Variants in GPC6 observed in about 807,000 individuals in gnomAD.
GPC6 encodes the protein glypican 6.
GPC6 carries 14 observed loss-of-function variants against 55.2 expected under a neutral mutation model. The observed-to-expected ratio is 0.25, with a 90% CI of 0.17 to 0.40. GPC6 has a LOEUF of 0.40. Ranked by LOEUF, GPC6 falls within the 10% of genes least tolerant of loss-of-function variation. The pLI, the probability that GPC6 is intolerant of heterozygous loss-of-function variation, is 1.00. For synonymous variants in GPC6, 278 were observed against 259.6 expected (o/e 1.07, Z -0.68); for missense variants, 641 against 708.5 (o/e 0.90, Z 1.08).
intron 2 of GPC6, among the ~76,000 whole-genome samples, chr13:93,665,749 G>A (rs1198174949): frequency 6.6e-6 from 1 of 152,156 alleles, no homozygotes; most frequent in Non-Finnish European, 1.5e-5. Flanking sequence ...CTGAAGAAAC[G>A]ATACTATGCT....
At chr13:93,502,589 G>C (rs1880562466) in intron 1 of GPC6, among the ~76,000 whole-genome samples, 2 of 152,124 alleles carry the variant, frequency 1.3e-5, no homozygotes, top group African/African-American at 4.8e-5. Context: ...AGTAACTGCT[G>C]AATTGGATAA....
In GPC6 at chr13:94,160,520, G is replaced by T. The variant is rs1888122045; in HGVS notation, c.878-125829G>T. Among the ~76,000 whole-genome samples, 5 of 152,340 alleles carry T rather than the reference G, an allele frequency of 3.3e-5. No homozygotes were observed. The South Asian group carries it at 1.0e-3, about 32-fold the overall frequency. On this transcript the variant is annotated intron_variant, in intron 4 of 8. Transcript: ENST00000377047. ...AGGAATTTGAAGATGGCAACCACAG[G>T]ATATTAAAGTGTGGGGCCCTTCCAT...
intron 3 of GPC6, among the ~76,000 whole-genome samples, chr13:93,954,176 G>T (rs1012200118): frequency 1.3e-5 from 2 of 151,892 alleles, no homozygotes; most frequent in African/African-American, 4.8e-5. Context: ...ATTTTATCTG[G>T]CTTCTTTCAA....
chr13:93,523,187 A>G (rs1317905792), intron 1 of GPC6, among the ~76,000 whole-genome samples: 1 of 144,926 alleles, frequency 6.9e-6, no homozygotes, highest in Non-Finnish European at 1.5e-5. Context: ...ACATATACAC[A>G]TATATGGATA....
chr13:93,219,066 T>C, the GPC6 span, among the ~76,000 whole-genome samples: 1 of 151,514 alleles, frequency 6.6e-6, no homozygotes, highest in South Asian at 2.1e-4. Context: ...CTGGCTGTTT[T>C]CTCCTACCCT....
intron 1 of GPC6, among the ~76,000 whole-genome samples, chr13:93,519,267 A>G (rs928461663): frequency 2.6e-5 from 4 of 152,034 alleles, no homozygotes; most frequent in Admixed American, 1.3e-4. Context: ...CTCATTTAAC[A>G]TTTATTAGTT....
intron 2 of GPC6, among the ~76,000 whole-genome samples, chr13:93,826,836 A>G (rs1487986780): frequency 6.6e-6 from 1 of 152,098 alleles, no homozygotes; most frequent in Non-Finnish European, 1.5e-5. Context: ...GGTCTCTCCA[A>G]GTGATCAGGC....
chr13:93,657,062 A>C (rs2139606915), intron 2 of GPC6, among the ~76,000 whole-genome samples: 1 of 152,236 alleles, frequency 6.6e-6, no homozygotes, highest in South Asian at 2.1e-4. Flanking sequence ...ATTCTGATCA[A>C]ACTACCAAAA....
At chr13:93,917,849 A>G (rs541994827) in intron 3 of GPC6, among the ~76,000 whole-genome samples, 1 of 152,368 alleles carries the variant, frequency 6.6e-6, no homozygotes, top group South Asian at 2.1e-4. Flanking sequence ...CTGTAATCCC[A>G]GCACTTTGGG....
At chr13:94,210,157 ATT>A (rs11324733) in intron 4 of GPC6, among the ~76,000 whole-genome samples, 115 of 137,664 alleles carry the variant, frequency 8.4e-4, no homozygotes, top group African/African-American at 1.6e-3. Context: ...TGTATGTTTA[ATT>A]TTTTTTTTTT....
intron 1 of GPC6, among the ~76,000 whole-genome samples, chr13:93,481,031 C>T (rs1323788467): frequency 6.6e-6 from 1 of 152,108 alleles, no homozygotes; most frequent in Non-Finnish European, 1.5e-5. Context: ...TTTCCTGAAG[C>T]ATCTGTGGCA....
At chr13:93,739,101 G>T (rs1332940726) in intron 2 of GPC6, among the ~76,000 whole-genome samples, 2 of 152,112 alleles carry the variant, frequency 1.3e-5, no homozygotes, top group Non-Finnish European at 2.9e-5. Context: ...GTATCTACAA[G>T]AGTTCTTGTA....
At chr13:94,004,126 T>C (rs957602719) in intron 3 of GPC6, among the ~76,000 whole-genome samples, 2 of 152,204 alleles carry the variant, frequency 1.3e-5, no homozygotes, top group African/African-American at 4.8e-5. Flanking sequence ...TCAGTTTTCC[T>C]CAGCATCATT....
intron 3 of GPC6, among the ~76,000 whole-genome samples, chr13:93,998,549 G>A (rs1177094454): frequency 6.6e-6 from 1 of 152,138 alleles, no homozygotes; most frequent in Non-Finnish European, 1.5e-5. Context: ...ACTGTCAGAT[G>A]TGGTCTCAGA....
At chr13:93,720,284 G>A (rs932634428) in intron 2 of GPC6, among the ~76,000 whole-genome samples, 17 of 152,028 alleles carry the variant, frequency 1.1e-4, no homozygotes, top group Non-Finnish European at 2.4e-4. Context: ...CTTCTTCTTG[G>A]TTTGGTCTTG....
chr13:93,688,356 G>A (rs1014352197), intron 2 of GPC6, among the ~76,000 whole-genome samples: 2 of 152,024 alleles, frequency 1.3e-5, no homozygotes, highest in African/African-American at 4.8e-5. Context: ...TAAAAGTCAG[G>A]GAGTTTTGGC....
chr13:93,342,573 T>C (rs537422005), intron 1 of GPC6, among the ~76,000 whole-genome samples: 3 of 152,218 alleles, frequency 2.0e-5, no homozygotes, highest in African/African-American at 7.2e-5. Flanking sequence ...GAGCTACCAT[T>C]CAAGATGAGA....
rs1881359275 is a variant in GPC6, at chr13:94,406,208, T to C, written c.*2991T>C. On this transcript the variant is annotated 3_prime_UTR_variant, in exon 9 of 9. Transcript: ENST00000377047. Reference sequence around the variant, plus strand: ...CCTCTATTTACATGTTCTTTAGTTATAATATGTATTTTTCTAACAGAAATA... The same window carrying C: ...CCTCTATTTACATGTTCTTTAGTTACAATATGTATTTTTCTAACAGAAATA... 1 of 152,174 alleles carries C rather than the reference T, an allele frequency of 6.6e-6. No homozygotes were observed. The highest frequency in any genetic ancestry group is 2.1e-4 in the South Asian group (1 of 4,828). 9.4% of individuals were successfully genotyped at this position (152,174 alleles called of 1,614,324 possible).
intron 1 of GPC6, among the ~76,000 whole-genome samples, chr13:93,475,747 A>G (rs1038790062): frequency 1.3e-5 from 2 of 152,228 alleles, no homozygotes; most frequent in Admixed American, 6.5e-5. Context: ...TGCTTTTAAC[A>G]TTACTAGAAG....
Sources: gnomAD v4.1 joint callset for allele counts (sites outside exome capture counted in the v4.1 genomes callset) on GRCh38, gnomAD v4.1.1 for gene constraint, MANE v1.5 for transcripts, NCBI Gene and HGNC (gene_info 2026-07-23, HGNC 2026-07-21) for gene names.